The following ICA1 variants were observed in gnomAD, a reference collection of about 807,000 sequenced individuals.
ICA1 encodes islet cell autoantigen 1.
In ICA1, 40 loss-of-function variants were observed where a neutral mutation model predicts 71.0. That is an observed-to-expected ratio of 0.56 (90% CI 0.44 to 0.73). The LOEUF is 0.73. Among genes scored for constraint, ICA1 ranks in the 30% least tolerant of loss-of-function variants. ICA1 has a pLI of 0.00. For missense variants in ICA1, 578 were observed against 576.5 expected, an observed-to-expected ratio of 1.00 and a Z score of -0.03; for synonymous variants, 207 against 209.5, an observed-to-expected ratio of 0.99 and a Z score of 0.10.
At chr7:8,126,756 C>T (rs1481556919) in intron 13 of ICA1, among the ~76,000 whole-genome samples, 1 of 152,140 alleles carries the variant, frequency 6.6e-6, no homozygotes, top group Non-Finnish European at 1.5e-5. Context: ...TAAGTGATTC[C>T]TGTTTTACAA....
chr7:8,187,645 ATTT>A (rs1427009614), intron 6 of ICA1, among the ~76,000 whole-genome samples: 1 of 152,212 alleles, frequency 6.6e-6, no homozygotes, highest in Non-Finnish European at 1.5e-5. Flanking sequence ...ACATTTTTAA[ATTT>A]TTTGACTCTT....
chr7:8,209,943 G>A (rs1173703859), intron 6 of ICA1, among the ~76,000 whole-genome samples: 1 of 152,178 alleles, frequency 6.6e-6, no homozygotes, highest in Non-Finnish European at 1.5e-5. Context: ...AAGAGAGGCG[G>A]GAGGGAAATT....
intron 6 of ICA1, among the ~76,000 whole-genome samples, chr7:8,165,328 G>C (rs779997199): frequency 1.2e-4 from 18 of 152,216 alleles, no homozygotes; most frequent in Non-Finnish European, 2.4e-4. Flanking sequence ...GTATGTGTAA[G>C]TGAATGTGTG....
chr7:8,221,023 T>C (rs1176101739), intron 5 of ICA1, among the ~76,000 whole-genome samples: 2 of 152,004 alleles, frequency 1.3e-5, no homozygotes, highest in Non-Finnish European at 1.5e-5. Context: ...GATTGACATA[T>C]ATAATGCCCC....
At chr7:8,211,008 G>C (rs754174503) in intron 6 of ICA1, among the ~76,000 whole-genome samples, 1 of 152,184 alleles carries the variant, frequency 6.6e-6, no homozygotes, top group Non-Finnish European at 1.5e-5. Flanking sequence ...CTTTGGGTTG[G>C]AGGAAGGCCG....
intron 6 of ICA1, among the ~76,000 whole-genome samples, chr7:8,187,719 A>T (rs1374742581): frequency 6.6e-6 from 1 of 152,240 alleles, no homozygotes; most frequent in Non-Finnish European, 1.5e-5. Flanking sequence ...AGATTTCTTT[A>T]TATCCTTATT....
At chr7:8,115,268 A>G (rs1209332475) in intron 13 of ICA1, among the ~76,000 whole-genome samples, 1 of 152,158 alleles carries the variant, frequency 6.6e-6, no homozygotes, top group Non-Finnish European at 1.5e-5. Context: ...ATTGAATTCC[A>G]TGTGCAATTA....
intron 6 of ICA1, among the ~76,000 whole-genome samples, chr7:8,193,373 T>A (rs150352872): frequency 6.6e-6 from 1 of 152,176 alleles, no homozygotes; most frequent in Admixed American, 6.5e-5. Flanking sequence ...ACCACAACTG[T>A]AGCTCCGTTC....
At chr7:8,190,044 T>A (rs1311471607) in intron 6 of ICA1, among the ~76,000 whole-genome samples, 1 of 152,122 alleles carries the variant, frequency 6.6e-6, no homozygotes, top group Non-Finnish European at 1.5e-5. Context: ...CAGAACTGAG[T>A]AATATTATGC....
chr7:8,262,552 G>A (rs1266530239), upstream of ICA1: 3 of 152,322 alleles, frequency 2.0e-5, no homozygotes, highest in Admixed American at 1.3e-4. Flanking sequence ...CCGCCGCCCA[G>A]AGTGACCCCG....
Position 8,182,349 on chromosome 7 carries a change from G to A in ICA1, c.580-23697C>T, listed in dbSNP as rs556985485. Among the ~76,000 whole-genome samples, 44 of 152,282 alleles carry A rather than the reference G, an allele frequency of 2.9e-4. No homozygotes were observed. The South Asian group carries it at 4.6e-3, about 16-fold the overall frequency. On this transcript the variant is annotated intron_variant, in intron 6 of 13. Coordinates refer to ENST00000402384, the MANE Select transcript of ICA1 (RefSeq NM_001136020.3). ...CCTTCTACACTTTGAATTCTAGGAA[G>A]GCAGAAGCAGTGAGTGCCTGGTTCA...
chr7:8,157,061 T>C (rs771993604), intron 8 of ICA1, 55 bp downstream of exon 8: 2 of 1,613,778 alleles, frequency 1.2e-6, no homozygotes, highest in Non-Finnish European at 8.5e-7. Flanking sequence ...GCTTGTGATA[T>C]AAACAAAACT....
chr7:8,194,757 CT>C (rs911204496), intron 6 of ICA1, among the ~76,000 whole-genome samples: 12 of 151,208 alleles, frequency 7.9e-5, no homozygotes, highest in South Asian at 4.2e-4. Flanking sequence ...ATTGTCGTCA[CT>C]TTTTTTTTAT....
chr7:8,206,733 GAAAAAAAAAA>G (rs60704635), intron 6 of ICA1, among the ~76,000 whole-genome samples: 1 of 135,614 alleles, frequency 7.4e-6, no homozygotes, highest in Non-Finnish European at 1.5e-5. Context: ...GGTTTAAAAT[GAAAAAAAAAA>G]AAAAAAAAAA....
At chr7:8,210,419 A>G (rs1331639000) in intron 6 of ICA1, among the ~76,000 whole-genome samples, 3 of 152,270 alleles carry the variant, frequency 2.0e-5, no homozygotes, top group Non-Finnish European at 4.4e-5. Context: ...TTTTCAGGAC[A>G]TAAACACATC....
chr7:8,128,441 T>C (rs1215092062), intron 12 of ICA1, among the ~76,000 whole-genome samples: 2 of 152,228 alleles, frequency 1.3e-5, no homozygotes, highest in Admixed American at 6.5e-5. Flanking sequence ...TTCTCAGATA[T>C]GAAACAAGGC....
intron 6 of ICA1, among the ~76,000 whole-genome samples, chr7:8,194,392 A>T (rs753777176): frequency 6.6e-6 from 1 of 152,224 alleles, no homozygotes; most frequent in Non-Finnish European, 1.5e-5. Context: ...AGACGTTAAC[A>T]TCTTGTTTTC....
At chr7:8,253,690 T>C (rs1187636796) in intron 1 of ICA1, among the ~76,000 whole-genome samples, 2 of 152,152 alleles carry the variant, frequency 1.3e-5, no homozygotes, top group African/African-American at 4.8e-5. Context: ...ATGAGAAACC[T>C]GTGTATATGG....
At chr7:8,118,859 A>C (rs564246375) in intron 13 of ICA1, among the ~76,000 whole-genome samples, 1 of 152,288 alleles carries the variant, frequency 6.6e-6, no homozygotes, top group Non-Finnish European at 1.5e-5. Context: ...TGGGCCCTCA[A>C]CAGAGGCATG....
Sources: gnomAD v4.1 joint callset for allele counts (sites outside exome capture counted in the v4.1 genomes callset) on GRCh38, gnomAD v4.1.1 for gene constraint, MANE v1.5 for transcripts, NCBI Gene and HGNC (gene_info 2026-07-23, HGNC 2026-07-21) for gene names.